The following KCNN2 variants were observed in gnomAD, a reference collection of about 807,000 sequenced individuals.
KCNN2 encodes the protein small conductance calcium-activated potassium channel protein 2.
A neutral mutation model predicts 55.5 loss-of-function variants in KCNN2; 24 were observed. The ratio of observed to expected loss-of-function variants is 0.43; its 90% CI spans 0.31 to 0.61. KCNN2 has a LOEUF of 0.61. Ranked by LOEUF, KCNN2 falls within the 20% of genes least tolerant of loss-of-function variation. The pLI is 0.08. For missense variants in KCNN2, 754 were observed against 853.6 expected (o/e 0.88, Z 1.45); for synonymous variants, 431 against 336.1 (o/e 1.28, Z -3.09).
intron 3 of KCNN2, among the ~76,000 whole-genome samples, chr5:114,426,063 T>A (rs1459348358): frequency 6.6e-6 from 1 of 151,734 alleles, no homozygotes; most frequent in Admixed American, 6.6e-5. Context: ...ATACCTGTAG[T>A]CCCAGCTACT....
intron 3 of KCNN2, among the ~76,000 whole-genome samples, chr5:114,420,167 C>T (rs1759431623): frequency 6.6e-6 from 1 of 152,352 alleles, no homozygotes; most frequent in South Asian, 2.1e-4. Flanking sequence ...TGTGGAGGAG[C>T]AGGTCTTGGG....
At chr5:114,409,541 C>T (rs1759057874) in intron 3 of KCNN2, among the ~76,000 whole-genome samples, 1 of 152,142 alleles carries the variant, frequency 6.6e-6, no homozygotes, top group Non-Finnish European at 1.5e-5. Context: ...TCCATCCAAG[C>T]ATCCTCTCCA....
chr5:114,274,567 A>G (rs1046422767), intron 2 of KCNN2, among the ~76,000 whole-genome samples: 1 of 152,036 alleles, frequency 6.6e-6, no homozygotes, highest in Non-Finnish European at 1.5e-5. Flanking sequence ...TTTAAGTTGT[A>G]TTCCTAGGTA....
intron 1 of KCNN2, among the ~76,000 whole-genome samples, chr5:114,134,081 C>T (rs142430833): frequency 6.6e-6 from 1 of 152,096 alleles, no homozygotes; most frequent in Non-Finnish European, 1.5e-5. Flanking sequence ...GGTATCCCTG[C>T]TCCTAAATTT....
chr5:114,404,791 T>C lies in KCNN2; in HGVS notation c.1572T>C (p.Thr524=), dbSNP rs1758881660. Residue 524 remains threonine (T), a synonymous_variant, in exon 3 of 8, where the codon ACT becomes ACC. Coordinates refer to ENST00000673685, the MANE Select transcript of KCNN2 (RefSeq NM_021614.4). ...MKTLMTICPG[T]VLLVFSISLW... ...CTTTAATGACTATATGCCCAGGAACTGTACTCTTGGTTTTTAGTATCTCAT... is the reference window on the plus strand; with the variant it reads ...CTTTAATGACTATATGCCCAGGAACCGTACTCTTGGTTTTTAGTATCTCAT... 6.2e-7 allele frequency: 1 copy of C among 1,614,000 alleles called. No individual in the cohort carries two copies. Among genetic ancestry groups the C allele is most frequent in the Non-Finnish European group, 8.5e-7 (1 of 1,179,880 alleles).
intron 1 of KCNN2, among the ~76,000 whole-genome samples, chr5:114,177,932 G>A (rs1030705434): frequency 6.6e-6 from 1 of 152,176 alleles, no homozygotes; most frequent in African/African-American, 2.4e-5. Flanking sequence ...AACAGCATAT[G>A]TTAAGACCCA....
chr5:114,262,663 TAG>T (rs1423464320), intron 2 of KCNN2, among the ~76,000 whole-genome samples: 1 of 152,210 alleles, frequency 6.6e-6, no homozygotes, highest in African/African-American at 2.4e-5. Context: ...GAGAAGTGCT[TAG>T]AATAGCAGGT....
At chr5:114,416,374 T>C (rs1024453362) in intron 3 of KCNN2, among the ~76,000 whole-genome samples, 2 of 152,028 alleles carry the variant, frequency 1.3e-5, no homozygotes, top group Non-Finnish European at 2.9e-5. Context: ...TAGCTAGACA[T>C]TGTGAAAAAC....
chr5:114,104,012 C>T (rs1322769263), intron 1 of KCNN2, among the ~76,000 whole-genome samples: 4 of 152,092 alleles, frequency 2.6e-5, no homozygotes, highest in Admixed American at 2.0e-4. Context: ...ACCAGCTCCT[C>T]TTTTTAGCTC....
At chr5:114,378,792 G>A (rs1471851850) in intron 2 of KCNN2, among the ~76,000 whole-genome samples, 1 of 152,054 alleles carries the variant, frequency 6.6e-6, no homozygotes, top group African/African-American at 2.4e-5. Context: ...TGTCGGTGTG[G>A]CTTGCCTCAA....
intron 2 of KCNN2, among the ~76,000 whole-genome samples, chr5:114,374,422 TA>T (rs981697951): frequency 1.1e-4 from 16 of 152,224 alleles, no homozygotes; most frequent in African/African-American, 3.9e-4. Flanking sequence ...GATATTTAAA[TA>T]AAAGGTGCTT....
intron 1 of KCNN2, among the ~76,000 whole-genome samples, chr5:114,170,143 A>G (rs1017736948): frequency 6.6e-6 from 1 of 152,230 alleles, no homozygotes; most frequent in Admixed American, 6.5e-5. Flanking sequence ...ATTGATTGCT[A>G]CTTAATAATT....
chr5:114,209,264 C>A (rs1040594202), intron 1 of KCNN2, among the ~76,000 whole-genome samples: 1 of 151,914 alleles, frequency 6.6e-6, no homozygotes, highest in Admixed American at 6.6e-5. Flanking sequence ...TCCCTTGTCT[C>A]CAGGGTCATC....
At chr5:114,112,197 A>G (rs1751613238) in intron 1 of KCNN2, among the ~76,000 whole-genome samples, 1 of 152,184 alleles carries the variant, frequency 6.6e-6, no homozygotes, top group Non-Finnish European at 1.5e-5. Context: ...ATGAAGCTGG[A>G]AACCATCATT....
chr5:114,432,394 C>G (rs997604815), intron 3 of KCNN2, among the ~76,000 whole-genome samples: 1 of 152,232 alleles, frequency 6.6e-6, no homozygotes, highest in Non-Finnish European at 1.5e-5. Context: ...GCTACTCCAA[C>G]TTTCTTTTGA....
intron 1 of KCNN2, chr5:114,057,011 ACTT>A (rs1262691370): frequency 6.6e-6 from 1 of 152,306 alleles, no homozygotes; most frequent in Non-Finnish European, 1.5e-5. Context: ...CTGCTGTTCA[ACTT>A]CTTCAAGCTG....
At chr5:114,320,310 A>C (rs1756590220) in intron 2 of KCNN2, among the ~76,000 whole-genome samples, 1 of 152,066 alleles carries the variant, frequency 6.6e-6, no homozygotes, top group African/African-American at 2.4e-5. Flanking sequence ...TTTTAGTCCA[A>C]TTTAAAGAAA....
At chr5:114,154,147 C>G (rs1296036627) in intron 1 of KCNN2, among the ~76,000 whole-genome samples, 3 of 152,066 alleles carry the variant, frequency 2.0e-5, no homozygotes, top group Non-Finnish European at 2.9e-5. Context: ...CTGTTTCCTG[C>G]TGGGATCTTG....
chr5:114,160,440 G>A (rs1580572591), intron 1 of KCNN2, among the ~76,000 whole-genome samples: 2 of 152,204 alleles, frequency 1.3e-5, no homozygotes, highest in Non-Finnish European at 1.5e-5. Context: ...GGTCAATTTT[G>A]GAATAGGTGT....
Sources: allele counts gnomAD v4.1 joint callset (sites outside exome capture counted in the v4.1 genomes callset), GRCh38; gene constraint gnomAD v4.1.1; transcripts MANE v1.5; gene names NCBI Gene and HGNC (gene_info 2026-07-23, HGNC 2026-07-21).